The following PSEN2 variants were observed in gnomAD, a reference collection of about 807,000 sequenced individuals.
PSEN2 encodes presenilin 2.
A neutral mutation model predicts 49.1 loss-of-function variants in PSEN2; 32 were observed. That is an observed-to-expected ratio of 0.65 (90% confidence interval 0.49 to 0.88). The LOEUF (loss-of-function observed/expected upper bound fraction) is 0.88, where lower values mean the gene tolerates loss of function less well. Ranked by LOEUF, PSEN2 falls within the 40% of genes least tolerant of loss-of-function variation. PSEN2 has a pLI of 0.00. For synonymous variants in PSEN2, 255 were observed against 244.0 expected (o/e 1.05, Z -0.42); for missense variants, 522 against 586.9 (o/e 0.89, Z 1.14).
At chr1:226,903,513 T>G (rs948927867) in intron 12 of PSEN2, 14 of 152,180 alleles carry the variant, frequency 9.2e-5, no homozygotes, top group African/African-American at 3.4e-4. Context: ...TCCCTAAACT[T>G]TCCTGAGTCG....
At chr1:226,896,209 G>A (rs1662140271), downstream of PSEN2, 1 of 158,590 alleles carries the variant, frequency 6.3e-6, no homozygotes, top group Admixed American at 5.9e-5. Context: ...CTGTTTGAAG[G>A]AACTTTTAAT....
chr1:226,892,104 A>G (rs2102691208), intron 11 of PSEN2, among the ~76,000 whole-genome samples: 1 of 152,168 alleles, frequency 6.6e-6, no homozygotes, highest in East Asian at 1.9e-4. Context: ...TGGGACCCAC[A>G]GGCTAAGGAG....
downstream of PSEN2, among the ~76,000 whole-genome samples, chr1:226,901,121 T>C (rs1662301342): frequency 1.3e-5 from 2 of 152,140 alleles, no homozygotes; most frequent in South Asian, 4.1e-4. Flanking sequence ...TGGGCTGCCA[T>C]CTTCCTGTCG....
chr1:226,874,854 C>T (rs1660535176), intron 2 of PSEN2, among the ~76,000 whole-genome samples: 1 of 152,140 alleles, frequency 6.6e-6, no homozygotes, highest in Non-Finnish European at 1.5e-5. Flanking sequence ...GCGATCTGAA[C>T]CCTGTCAGTC....
intron 3 of PSEN2, among the ~76,000 whole-genome samples, chr1:226,878,438 TC>T (rs1660771072): frequency 1.3e-5 from 2 of 152,236 alleles, no homozygotes; most frequent in Middle Eastern, 3.4e-3. Context: ...TGATCCTGGG[TC>T]CCCTGCTTCT....
chr1:226,885,958 C>T (rs565487231), intron 6 of PSEN2, among the ~76,000 whole-genome samples: 2 of 103,316 alleles, frequency 1.9e-5, no homozygotes, highest in South Asian at 5.5e-4. Context: ...CAGCCTCAAC[C>T]TCCTGGGCTC....
intron 3 of PSEN2, among the ~76,000 whole-genome samples, chr1:226,878,432 C>T (rs1172000512): frequency 6.6e-6 from 1 of 152,166 alleles, no homozygotes; most frequent in African/African-American, 2.4e-5. Flanking sequence ...TCTACTTGAT[C>T]CTGGGTCCCC....
At chr1:226,877,922 C>T (rs193234598) in intron 3 of PSEN2, among the ~76,000 whole-genome samples, 1 of 152,238 alleles carries the variant, frequency 6.6e-6, no homozygotes, top group Non-Finnish European at 1.5e-5. Context: ...ACAGTGGTCA[C>T]CAGGTCACTG....
At chr1:226,887,997 C>T in intron 6 of PSEN2, 94 bp from the exon 7 acceptor site, 1 of 1,016,472 alleles carries the variant, frequency 9.8e-7, no homozygotes, top group Non-Finnish European at 1.6e-6. Flanking sequence ...TAATGAAGAG[C>T]ATTCAGGCTT....
At chr1:226,881,808 G>A (rs753345556) in intron 3 of PSEN2, 80 bp from the exon 4 acceptor site, 116 of 1,531,952 alleles carry the variant, frequency 7.6e-5, no homozygotes, top group South Asian at 7.4e-4. Context: ...TCTCCAGGTC[G>A]CCTCCAGCCA....
At position 226,894,469 on chromosome 1, in the gene PSEN2, A is replaced by C. The variant is rs553500994; in HGVS notation, c.1191+344A>C. Among the ~76,000 whole-genome samples, 297 of 152,344 alleles carry C rather than the reference A, an allele frequency of 1.9e-3. 1 individual carries two copies. Among genetic ancestry groups the C allele is most frequent in the African/African-American group, 7.0e-3 (289 of 41,572 alleles). ...GTGGTTGTGATGACATCAGATTTGC[A>C]GAAAAGAAAATTGCTTAAGGGCCTT... On this transcript the variant is annotated intron_variant, in intron 12 of 12. Coordinates refer to ENST00000366783, the MANE Select transcript of PSEN2 (RefSeq NM_000447.3).
chr1:226,890,808 T>G (rs41309643), intron 9 of PSEN2: 2,356 of 185,104 alleles, frequency 0.013, 20 homozygotes, highest in Non-Finnish European at 0.018. Context: ...GTCTGCAAGG[T>G]GGCCTGGGAA....
At chr1:226,877,475 G>A (rs1660708702) in intron 3 of PSEN2, among the ~76,000 whole-genome samples, 1 of 152,212 alleles carries the variant, frequency 6.6e-6, no homozygotes, top group Non-Finnish European at 1.5e-5. Flanking sequence ...AGTGGCCTGG[G>A]CCACCTTTGA....
At chr1:226,892,425 T>C (rs866358629) in intron 11 of PSEN2, among the ~76,000 whole-genome samples, 6 of 152,120 alleles carry the variant, frequency 3.9e-5, no homozygotes, top group Admixed American at 6.5e-5. Flanking sequence ...CATGCGAAGA[T>C]AGGAGTTCAT....
Position 226,888,175 on chromosome 1 carries a change from C to T in PSEN2, c.566+17C>T, listed in dbSNP as rs752748804. 2.5e-6 allele frequency: 4 copies of T among 1,600,650 alleles called. No homozygotes were observed. The East Asian group carries it at 8.9e-5, about 36-fold the overall frequency. Reference sequence around the variant, plus strand: ...CTACCTTGGGTAAGTGACAGATAAGCAGCAGGGTCCCTGGGAGCCCCTCTC... The same window carrying T: ...CTACCTTGGGTAAGTGACAGATAAGTAGCAGGGTCCCTGGGAGCCCCTCTC... On this transcript the variant is annotated intron_variant, in intron 7 of 12. Transcript: ENST00000366783.
chr1:226,901,145 C>T (rs142848707), downstream of PSEN2, among the ~76,000 whole-genome samples: 43 of 152,246 alleles, frequency 2.8e-4, no homozygotes, highest in African/African-American at 9.6e-4. Flanking sequence ...CCACTCAAAA[C>T]ACCCAACAGG....
chr1:226,885,352 G>C (rs111643955), intron 5 of PSEN2, among the ~76,000 whole-genome samples, 186 bp from the exon 6 acceptor site: 2 of 152,132 alleles, frequency 1.3e-5, no homozygotes, highest in African/African-American at 2.4e-5. Context: ...CTGTGGTCAG[G>C]GTGCCAGGAA....
At chr1:226,889,469 G>A (rs183044548) in intron 8 of PSEN2, among the ~76,000 whole-genome samples, 5 of 152,244 alleles carry the variant, frequency 3.3e-5, no homozygotes, top group African/African-American at 1.2e-4. Context: ...TAGAGATGGG[G>A]TTTCACCATG....
chr1:226,891,184 G>C, intron 9 of PSEN2, 94 bp from the exon 10 acceptor site: 1 of 1,080,646 alleles, frequency 9.3e-7, no homozygotes, highest in Non-Finnish European at 1.4e-6. Flanking sequence ...GTCCTGTGCA[G>C]GCTTTCTGGG....
Sources: allele counts gnomAD v4.1 joint callset (sites outside exome capture counted in the v4.1 genomes callset), GRCh38; gene constraint gnomAD v4.1.1; transcripts MANE v1.5; gene names NCBI Gene and HGNC (gene_info 2026-07-23, HGNC 2026-07-21).